Variants in PRKDC observed in about 807,000 individuals in gnomAD.
PRKDC encodes protein kinase, DNA-activated, catalytic subunit, also known as DNA-dependent protein kinase catalytic subunit.
PRKDC carries 82 observed loss-of-function variants against 486.9 expected under a neutral mutation model. That is an observed-to-expected ratio of 0.17 (90% CI 0.14 to 0.20). The LOEUF (loss-of-function observed/expected upper bound fraction) is 0.20. PRKDC is among the 10% of genes least tolerant of loss of function. PRKDC has a pLI of 1.00. For synonymous variants in PRKDC, 1,895 were observed against 1,837.0 expected (o/e 1.03, Z -0.81); for missense variants, 4,504 against 5,038.2 (o/e 0.89, Z 3.21).
At chr8:47,895,465 C>T (rs140957681) in intron 30 of PRKDC, among the ~76,000 whole-genome samples, 117 of 152,302 alleles carry the variant, frequency 7.7e-4, no homozygotes, top group African/African-American at 2.4e-3. Context: ...GAGAAGAGAA[C>T]AGCACTAGAA....
intron 74 of PRKDC, among the ~76,000 whole-genome samples, chr8:47,792,223 T>C (rs996147252): frequency 2.0e-5 from 3 of 151,878 alleles, no homozygotes; most frequent in Non-Finnish European, 4.4e-5. Context: ...GGATCTAGTA[T>C]TTAGTGGCAC....
intron 25 of PRKDC, among the ~76,000 whole-genome samples, chr8:47,909,804 C>T (rs1484535279): frequency 1.3e-5 from 2 of 152,106 alleles, no homozygotes; most frequent in Non-Finnish European, 2.9e-5. Context: ...TCCTGCAGTA[C>T]CCTCAGGCTT....
rs566937479 is a variant in PRKDC, at chr8:47,858,364, G to C, written c.6465+152C>G. ...GATAAATATTGGGTGGCTAATCAGA[G>C]AACAAAAATGTCATGCTCTGCCCCT... On this transcript the variant is annotated intron_variant, in intron 48 of 85. Coordinates refer to ENST00000314191, the MANE Select transcript of PRKDC (RefSeq NM_006904.7). Among the ~76,000 whole-genome samples the C allele has an allele frequency of 2.0e-5, 3 of 152,270 alleles. No homozygotes were observed. The South Asian group carries it at 6.2e-4, about 32-fold the overall frequency.
chr8:47,820,981 C>T, intron 65 of PRKDC, 38 bp from the exon 66 acceptor site: 1 of 1,297,996 alleles, frequency 7.7e-7, no homozygotes. Context: ...CTACAGAAGG[C>T]CAATTTGAGT....
At chr8:47,904,216 A>G (rs761096816) in intron 26 of PRKDC, among the ~76,000 whole-genome samples, 10 of 152,108 alleles carry the variant, frequency 6.6e-5, no homozygotes, top group Non-Finnish European at 1.5e-4. Context: ...TAGTTATTGA[A>G]TCTGAGTATA....
intron 69 of PRKDC, among the ~76,000 whole-genome samples, chr8:47,804,296 CTTTT>C (rs767946033): frequency 1.5e-5 from 2 of 135,932 alleles, no homozygotes; most frequent in African/African-American, 5.4e-5. Context: ...GGACATGCCA[CTTTT>C]TTTTTTTTTT....
At chr8:47,783,638 T>C (rs2086737588) in intron 78 of PRKDC, 104 bp downstream of exon 78, 1 of 1,090,426 alleles carries the variant, frequency 9.2e-7, no homozygotes, top group African/African-American at 1.6e-5. Flanking sequence ...GATATATCTG[T>C]GATCAACATG....
At chr8:47,787,168 C>G (rs192127691) in intron 76 of PRKDC, among the ~76,000 whole-genome samples, 1 of 152,208 alleles carries the variant, frequency 6.6e-6, no homozygotes, top group East Asian at 1.9e-4. Context: ...AAGAGCATTA[C>G]TAGCAGTTAC....
intron 49 of PRKDC, among the ~76,000 whole-genome samples, chr8:47,856,321 G>A (rs543366431): frequency 2.8e-4 from 43 of 152,162 alleles, no homozygotes; most frequent in Middle Eastern, 6.8e-3. Context: ...TCCGCCTCCC[G>A]GGTTTAAGCA....
intron 13 of PRKDC, 55 bp downstream of exon 13, chr8:47,935,677 A>AATATAT (rs1180559587): frequency 3.8e-6 from 6 of 1,560,712 alleles, no homozygotes; most frequent in Non-Finnish European, 5.2e-6. Context: ...ACCTATATCA[A>AATATAT]ATAATGTGTT....
At chr8:47,897,326 C>T (rs748602338) in intron 29 of PRKDC, 32 bp from the exon 30 acceptor site, 2 of 1,515,686 alleles carry the variant, frequency 1.3e-6, no homozygotes, top group African/African-American at 2.7e-5. Flanking sequence ...TCATTAGTCC[C>T]TCTCCAACAT....
At chr8:47,833,960 G>A (rs2087946680) in intron 59 of PRKDC, among the ~76,000 whole-genome samples, 1 of 152,128 alleles carries the variant, frequency 6.6e-6, no homozygotes, top group Admixed American at 6.5e-5. Flanking sequence ...CACTCTTACT[G>A]CTCCAGAAGA....
At chr8:47,790,525 C>T (rs2154497831) in intron 74 of PRKDC, among the ~76,000 whole-genome samples, 1 of 152,154 alleles carries the variant, frequency 6.6e-6, no homozygotes, top group East Asian at 1.9e-4. Flanking sequence ...ATCAAAATAC[C>T]AATGACATTC....
intron 15 of PRKDC, 49 bp downstream of exon 15, chr8:47,933,916 C>T (rs755241841): frequency 5.2e-6 from 8 of 1,547,236 alleles, no homozygotes; most frequent in African/African-American, 1.4e-5. Flanking sequence ...ACTATGGAGA[C>T]TAATAAAGGA....
At chr8:47,933,415 ATACAGCAG>A (rs1563810704) in intron 15 of PRKDC, among the ~76,000 whole-genome samples, 1 of 152,248 alleles carries the variant, frequency 6.6e-6, no homozygotes, top group Non-Finnish European at 1.5e-5. Flanking sequence ...CTTACTCTGT[ATACAGCAG>A]TAAGTGAGAA....
chr8:47,806,077 C>A (rs955304886), intron 69 of PRKDC, among the ~76,000 whole-genome samples: 1 of 152,182 alleles, frequency 6.6e-6, no homozygotes, highest in Non-Finnish European at 1.5e-5. Flanking sequence ...GCCCATAAAG[C>A]CTACCCTAAA....
intron 26 of PRKDC, among the ~76,000 whole-genome samples, chr8:47,904,302 T>G (rs1030425387): frequency 2.6e-5 from 4 of 152,188 alleles, no homozygotes; most frequent in African/African-American, 9.6e-5. Flanking sequence ...TCGCCCAGAC[T>G]GGAGTGCAGT....
intron 73 of PRKDC, among the ~76,000 whole-genome samples, chr8:47,796,201 T>C (rs1286224096): frequency 6.6e-6 from 1 of 152,072 alleles, no homozygotes; most frequent in Non-Finnish European, 1.5e-5. Flanking sequence ...TTTTTCAAAT[T>C]TTCATTTCTG....
rs187701532 is a variant in PRKDC at position 47,808,293 on chromosome 8, G to A, written c.9558-967C>T. Among the ~76,000 whole-genome samples the A allele has an allele frequency of 9.2e-5, 14 of 151,862 alleles. No homozygotes were observed. In the East Asian group the frequency reaches 1.4e-3, roughly 15 times the overall value. ...AATAGCCGGGGTTGGTTACAGGTGC[G>A]TGCTACCGCATCAAGCTAAGTTTTA... is the stretch of plus-strand genomic sequence containing the variant. On this transcript the variant is annotated intron_variant, in intron 68 of 85. Coordinates refer to ENST00000314191, the MANE Select transcript of PRKDC (RefSeq NM_006904.7).
Sources: gnomAD v4.1 joint callset for allele counts (sites outside exome capture counted in the v4.1 genomes callset) on GRCh38, gnomAD v4.1.1 for gene constraint, MANE v1.5 for transcripts, NCBI Gene and HGNC (gene_info 2026-07-23, HGNC 2026-07-21) for gene names.